The following CSMD3 variants were observed in gnomAD, a reference collection of about 807,000 sequenced individuals.
CSMD3 encodes CUB and Sushi multiple domains 3.
In CSMD3, 177 loss-of-function variants were observed where a neutral mutation model predicts 435.2. The observed-to-expected ratio is 0.41, with a 90% CI of 0.36 to 0.46. The LOEUF is 0.46. CSMD3 is among the 20% of genes least tolerant of loss of function. The pLI is 0.34. For missense variants in CSMD3, 4,265 were observed against 4,504.6 expected (o/e 0.95, Z 1.52); for synonymous variants, 1,656 against 1,520.5 (o/e 1.09, Z -2.07).
At chr8:112,339,116 C>A (rs1408135241) in intron 42 of CSMD3, among the ~76,000 whole-genome samples, 1 of 152,004 alleles carries the variant, frequency 6.6e-6, no homozygotes, top group Admixed American at 6.6e-5. Flanking sequence ...CATCTGCAAA[C>A]CCCTCACCTT....
intron 59 of CSMD3, among the ~76,000 whole-genome samples, chr8:112,276,808 C>T (rs1339687756): frequency 6.6e-6 from 1 of 152,162 alleles, no homozygotes; most frequent in Non-Finnish European, 1.5e-5. Context: ...TTCTGTGCAC[C>T]TGCAGCCTCA....
chr8:112,363,345 A>G (rs1827439132), intron 38 of CSMD3, among the ~76,000 whole-genome samples: 1 of 152,036 alleles, frequency 6.6e-6, no homozygotes, highest in Non-Finnish European at 1.5e-5. Flanking sequence ...GATAAAAAGT[A>G]TACTTTTCTT....
intron 17 of CSMD3, among the ~76,000 whole-genome samples, chr8:112,660,191 A>G (rs1188701207): frequency 1.3e-5 from 2 of 152,142 alleles, no homozygotes; most frequent in African/African-American, 4.8e-5. Flanking sequence ...AGATATTTTC[A>G]AGAATCCATT....
chr8:113,048,948 T>C (rs2087960537), intron 5 of CSMD3, among the ~76,000 whole-genome samples: 1 of 152,150 alleles, frequency 6.6e-6, no homozygotes, highest in South Asian at 2.1e-4. Flanking sequence ...TTTATAAGTC[T>C]CTTATAGAAG....
intron 32 of CSMD3, among the ~76,000 whole-genome samples, chr8:112,411,175 A>G (rs1285709534): frequency 6.7e-6 from 1 of 148,352 alleles, no homozygotes; most frequent in Non-Finnish European, 1.5e-5. Flanking sequence ...GTTTGTATGC[A>G]GATAAAACAG....
At chr8:112,586,534 A>G (rs966512282) in intron 23 of CSMD3, among the ~76,000 whole-genome samples, 2 of 151,380 alleles carry the variant, frequency 1.3e-5, no homozygotes, top group Non-Finnish European at 1.5e-5. Context: ...ATTATCAACA[A>G]AGTATATTTT....
At chr8:112,603,852 G>A (rs1261102882) in intron 22 of CSMD3, among the ~76,000 whole-genome samples, 1 of 152,124 alleles carries the variant, frequency 6.6e-6, no homozygotes, top group Non-Finnish European at 1.5e-5. Flanking sequence ...AGTGTCAACT[G>A]CATGATGAAT....
chr8:113,064,360 G>C (rs1052564508), intron 5 of CSMD3, among the ~76,000 whole-genome samples: 1 of 151,932 alleles, frequency 6.6e-6, no homozygotes, highest in Non-Finnish European at 1.5e-5. Flanking sequence ...AATATATAGA[G>C]AGAGATATTG....
chr8:113,099,780 A>C (rs78800428), intron 4 of CSMD3, among the ~76,000 whole-genome samples: 1 of 152,070 alleles, frequency 6.6e-6, no homozygotes, highest in Non-Finnish European at 1.5e-5. Context: ...AAACATAAGA[A>C]AAAGCTCCTG....
chr8:112,463,193 C>T (rs1817627089), intron 32 of CSMD3, among the ~76,000 whole-genome samples: 1 of 152,120 alleles, frequency 6.6e-6, no homozygotes, highest in African/African-American at 2.4e-5. Context: ...AAAACCCCAT[C>T]TCTACTAAAA....
At chr8:112,648,708 C>T (rs6469429) in intron 19 of CSMD3, among the ~76,000 whole-genome samples, 50,425 of 151,920 alleles carry the variant, frequency 0.33, 8,684 homozygotes, top group African/African-American at 0.43. Flanking sequence ...CGTGTTGATG[C>T]GCTTGCCATT....
intron 22 of CSMD3, among the ~76,000 whole-genome samples, chr8:112,633,031 G>C (rs2074560084): frequency 6.6e-6 from 1 of 151,870 alleles, no homozygotes; most frequent in African/African-American, 2.4e-5. Context: ...ATCTATTTCA[G>C]ATAGTAAAAC....
In CSMD3 at chr8:112,230,332, C is replaced by T. The variant is rs574629054; in HGVS notation, c.10828+1213G>A. 3.9e-5 allele frequency among the ~76,000 whole-genome samples: 6 copies of T among 152,266 alleles called. No individual in the cohort carries two copies. In the South Asian group the frequency reaches 1.0e-3, roughly 26 times the overall value. ...AGGTAGGATGTGATGTAAATGGCAT[C>T]TTATTACTTTTCATGTAGAGAAAGC... is the stretch of plus-strand genomic sequence containing the variant. On this transcript the variant is annotated intron_variant, in intron 69 of 70. Transcript: ENST00000297405.
chr8:113,038,010 G>A (rs1033559346), intron 5 of CSMD3, among the ~76,000 whole-genome samples: 1 of 152,030 alleles, frequency 6.6e-6, no homozygotes, highest in African/African-American at 2.4e-5. Context: ...CTGGTGGCTG[G>A]GACTGTCATA....
intron 11 of CSMD3, 130 bp from the exon 12 acceptor site, chr8:112,829,919 ACACAC>A: frequency 2.2e-6 from 1 of 447,324 alleles, no homozygotes. Context: ...ACACACACAC[ACACAC>A]ACAAGCAGTT....
intron 32 of CSMD3, among the ~76,000 whole-genome samples, chr8:112,426,709 T>A (rs934282442): frequency 6.6e-6 from 1 of 152,216 alleles, no homozygotes; most frequent in African/African-American, 2.4e-5. Flanking sequence ...TCTGGTCATA[T>A]AAATTATTGC....
chr8:112,303,922 G>A (rs918884724), intron 52 of CSMD3, among the ~76,000 whole-genome samples: 7 of 151,934 alleles, frequency 4.6e-5, no homozygotes, highest in Non-Finnish European at 1.5e-5. Context: ...TGTGTTGGAC[G>A]CTAATTAAAA....
At chr8:113,145,067 T>G (rs533305554) in intron 4 of CSMD3, among the ~76,000 whole-genome samples, 1 of 151,376 alleles carries the variant, frequency 6.6e-6, no homozygotes, top group Non-Finnish European at 1.5e-5. Flanking sequence ...GCAGAGGGAA[T>G]AGAAGTGTCT....
At position 112,336,325 on chromosome 8, in the gene CSMD3, C is replaced by A. The variant is rs111885478; in HGVS notation, c.7019+327G>T. 1.1e-3 allele frequency among the ~76,000 whole-genome samples: 165 copies of A among 152,208 alleles called. 2 individuals carry two copies. The highest frequency in any genetic ancestry group is 6.8e-3 in the Middle Eastern group (2 of 294). On this transcript the variant is annotated intron_variant, in intron 44 of 70. Transcript: ENST00000297405. The stretch of plus-strand genomic sequence containing the variant: ...ATTATAATTTCTTAAATTCCACTGG[C>A]TTTTGTAAGTAGAGAACTTCCATAC...
Sources: allele counts gnomAD v4.1 joint callset (sites outside exome capture counted in the v4.1 genomes callset), GRCh38; gene constraint gnomAD v4.1.1; transcripts MANE v1.5; gene names NCBI Gene and HGNC (gene_info 2026-07-23, HGNC 2026-07-21).